The following TTLL11 variants were observed in gnomAD, a reference collection of about 807,000 sequenced individuals.
TTLL11 encodes the protein tubulin tyrosine ligase like 11.
In TTLL11, 42 loss-of-function variants were observed where a neutral mutation model predicts 51.7. The observed-to-expected ratio is 0.81, with a 90% CI of 0.64 to 1.05. TTLL11 has a LOEUF of 1.05. Among genes scored for constraint, TTLL11 ranks in the 50% least tolerant of loss-of-function variants. The pLI is 0.00. For missense variants in TTLL11, 799 were observed against 940.4 expected (o/e 0.85, Z 1.97); for synonymous variants, 381 against 383.5 (o/e 0.99, Z 0.08).
In TTLL11 at chr9:121,865,833, C is replaced by T. The variant is rs571128048; in HGVS notation, c.1733+4664G>A. The stretch of plus-strand genomic sequence containing the variant: ...CTGGTTAGAGAGAGTTAAGTCTAGA[C>T]GAGAGAAGAACAGTTCATTATTTCT... On this transcript the variant is annotated intron_variant, in intron 7 of 8. Coordinates refer to ENST00000321582, the MANE Select transcript of TTLL11 (RefSeq NM_001139442.2). Among the ~76,000 whole-genome samples, 13 of 151,938 alleles carry T rather than the reference C, an allele frequency of 8.6e-5. No individual in the cohort carries two copies. In the South Asian group the frequency reaches 1.9e-3, roughly 22 times the overall value.
chr9:121,956,903 G>C (rs1218306378), intron 6 of TTLL11, among the ~76,000 whole-genome samples: 1 of 152,206 alleles, frequency 6.6e-6, no homozygotes, highest in Non-Finnish European at 1.5e-5. Flanking sequence ...CCAAGGTTCT[G>C]CATCCAGTGG....
chr9:122,069,326 G>A (rs555846333), intron 1 of TTLL11, among the ~76,000 whole-genome samples: 2 of 152,116 alleles, frequency 1.3e-5, no homozygotes, highest in Non-Finnish European at 2.9e-5. Context: ...AAAGCAAAGC[G>A]TGCGTGGCCA....
intron 8 of TTLL11, among the ~76,000 whole-genome samples, chr9:121,840,240 C>T (rs899824709): frequency 1.3e-5 from 2 of 152,176 alleles, no homozygotes; most frequent in African/African-American, 4.8e-5. Context: ...GAATTAGGGA[C>T]AGTCCTGAAC....
At chr9:122,029,160 C>A (rs1340002990) in intron 3 of TTLL11, among the ~76,000 whole-genome samples, 1 of 152,150 alleles carries the variant, frequency 6.6e-6, no homozygotes, top group Non-Finnish European at 1.5e-5. Flanking sequence ...CAGTATAATA[C>A]AATTATGCAC....
chr9:122,000,096 T>C (rs1375542381), intron 3 of TTLL11, among the ~76,000 whole-genome samples: 2 of 152,154 alleles, frequency 1.3e-5, no homozygotes, highest in Non-Finnish European at 2.9e-5. Context: ...GGCTAAAACC[T>C]ACTGTGCTGC....
At chr9:121,893,347 C>T (rs539659018) in intron 6 of TTLL11, among the ~76,000 whole-genome samples, 1 of 135,062 alleles carries the variant, frequency 7.4e-6, no homozygotes, top group Non-Finnish European at 1.7e-5. Context: ...TCCATGCATG[C>T]ATATGTGTGT....
chr9:121,839,659 C>T (rs1837292198), intron 8 of TTLL11, among the ~76,000 whole-genome samples: 1 of 152,218 alleles, frequency 6.6e-6, no homozygotes, highest in Non-Finnish European at 1.5e-5. Context: ...CCCATTCTAT[C>T]CAAAGATGGG....
At chr9:121,926,554 T>G (rs1840742933) in intron 6 of TTLL11, among the ~76,000 whole-genome samples, 1 of 152,174 alleles carries the variant, frequency 6.6e-6, no homozygotes, top group African/African-American at 2.4e-5. Context: ...CCTGGCCCTG[T>G]GGCATAGACG....
intron 6 of TTLL11, among the ~76,000 whole-genome samples, chr9:121,932,582 G>A (rs1463730942): frequency 6.6e-6 from 1 of 152,204 alleles, no homozygotes; most frequent in Non-Finnish European, 1.5e-5. Context: ...CTCCTCAGCT[G>A]ACAGCATGGA....
chr9:121,835,193 T>C (rs1837149992), intron 8 of TTLL11, among the ~76,000 whole-genome samples: 1 of 152,216 alleles, frequency 6.6e-6, no homozygotes, highest in Admixed American at 6.5e-5. Flanking sequence ...AAGTGGAATG[T>C]CCATGTTTAC....
intron 3 of TTLL11, among the ~76,000 whole-genome samples, chr9:122,007,281 T>C (rs1843683250): frequency 6.6e-6 from 1 of 151,732 alleles, no homozygotes; most frequent in South Asian, 2.1e-4. Context: ...TGTCTTGTTG[T>C]GGCAGAAGTA....
chr9:121,938,265 G>A (rs1841305116), intron 6 of TTLL11, among the ~76,000 whole-genome samples: 1 of 139,972 alleles, frequency 7.1e-6, no homozygotes, highest in South Asian at 2.2e-4. Flanking sequence ...CTCCAGCCTG[G>A]GGAACAGAGT....
chr9:121,838,880 T>C (rs1428061831), intron 8 of TTLL11, among the ~76,000 whole-genome samples: 1 of 147,822 alleles, frequency 6.8e-6, no homozygotes, highest in African/African-American at 2.7e-5. Flanking sequence ...CAACAACATT[T>C]CTTGCCCTGC....
chr9:121,872,714 G>A (rs75512752), intron 6 of TTLL11, among the ~76,000 whole-genome samples: 6,446 of 152,246 alleles, frequency 0.042, 150 homozygotes, highest in Middle Eastern at 0.11. Context: ...AGTGGGTCTT[G>A]ATGCTGGTCT....
chr9:122,023,663 A>C (rs1199617258), intron 3 of TTLL11, among the ~76,000 whole-genome samples: 1 of 151,922 alleles, frequency 6.6e-6, no homozygotes, highest in Non-Finnish European at 1.5e-5. Flanking sequence ...AATGTAACTC[A>C]ACCACATTAA....
In TTLL11 at chr9:121,900,388, C is replaced by T. The variant is rs548696162; in HGVS notation, c.1482-29640G>A. Among the ~76,000 whole-genome samples the T allele has an allele frequency of 1.9e-4, 29 of 152,320 alleles. No homozygotes were observed. In the South Asian group the frequency reaches 6.0e-3, roughly 32 times the overall value. ...CCACTGTGTGTTAGCACATAATCTG[C>T]CTTGTATCTCTGGTAGCTTTTATGA... is the stretch of plus-strand genomic sequence containing the variant. On this transcript the variant is annotated intron_variant, in intron 6 of 8. Transcript: ENST00000321582.
chr9:122,048,052 C>T (rs890940418), intron 1 of TTLL11, among the ~76,000 whole-genome samples: 1 of 152,192 alleles, frequency 6.6e-6, no homozygotes, highest in Non-Finnish European at 1.5e-5. Context: ...CTCTGCCTTA[C>T]TTCAGGGCCT....
chr9:121,980,099 A>ATGAAAGTCATTAT (rs1564338933), intron 4 of TTLL11, among the ~76,000 whole-genome samples: 1 of 152,054 alleles, frequency 6.6e-6, no homozygotes, highest in South Asian at 2.1e-4. Flanking sequence ...CAAGTCAATA[A>ATGAAAGTCATTAT]TGAAAGCAAG....
intron 1 of TTLL11, among the ~76,000 whole-genome samples, chr9:122,063,479 T>C (rs1382762695): frequency 6.6e-6 from 1 of 151,040 alleles, no homozygotes; most frequent in Non-Finnish European, 1.5e-5. Context: ...AGATTGCGTT[T>C]TAAAATACAA....
Sources: allele counts gnomAD v4.1 joint callset (sites outside exome capture counted in the v4.1 genomes callset), GRCh38; gene constraint gnomAD v4.1.1; transcripts MANE v1.5; gene names NCBI Gene and HGNC (gene_info 2026-07-23, HGNC 2026-07-21).